GATAD2A: variants seen among roughly 807,000 people sequenced by gnomAD.
GATAD2A encodes the protein GATA zinc finger domain containing 2A, also known as transcriptional repressor p66-alpha.
In GATAD2A, 12 loss-of-function variants were observed where a neutral mutation model predicts 68.5. That is an observed-to-expected ratio of 0.18 (90% confidence interval 0.11 to 0.28). GATAD2A has a LOEUF of 0.28. Among genes scored for constraint, GATAD2A ranks in the 10% least tolerant of loss-of-function variants. GATAD2A has a pLI of 1.00. For missense variants in GATAD2A, 755 were observed against 868.5 expected (o/e 0.87, Z 1.64); for synonymous variants, 410 against 375.3 (o/e 1.09, Z -1.07).
intron 4 of GATAD2A, among the ~76,000 whole-genome samples, chr19:19,493,081 C>T (rs1035442532): frequency 1.3e-5 from 2 of 152,076 alleles, no homozygotes; most frequent in African/African-American, 2.4e-5. Context: ...GCTGGGACTA[C>T]AGGCGCGTGC....
At chr19:19,482,154 AGCACTTTGGGAG>A (rs948304630) in intron 2 of GATAD2A, among the ~76,000 whole-genome samples, 3 of 152,180 alleles carry the variant, frequency 2.0e-5, no homozygotes, top group African/African-American at 7.2e-5. Context: ...CCTGTATCTC[AGCACTTTGGGAG>A]GCCGAGGTGG....
Position 19,502,503 on chromosome 19 carries a change from GGAA to G in GATAD2A, c.1757_1759del (p.Lys586del), listed in dbSNP as rs755090608. ...GGCAAGGGCAGCGCCACCTCCAACTGGAAGAAGACGCCCCTCAGCACAGGTGGG... is the reference window on the plus strand; with the variant it reads ...GGCAAGGGCAGCGCCACCTCCAACTGGAAGACGCCCCTCAGCACAGGTGGG... On this transcript the variant is annotated inframe_deletion, in exon 11 of 12. Transcript: ENST00000683918. 5 of 1,612,314 alleles carry G rather than the reference GGAA, an allele frequency of 3.1e-6. No homozygotes were observed. The Admixed American group carries it at 6.7e-5, about 22-fold the overall frequency.
chr19:19,406,326 C>T lies in GATAD2A; in HGVS notation c.-7+307C>T, dbSNP rs372814272. Among the ~76,000 whole-genome samples the T allele has an allele frequency of 6.0e-5, 9 of 149,642 alleles. No homozygotes were observed. In the East Asian group the frequency reaches 1.8e-3, roughly 30 times the overall value. On this transcript the variant is annotated intron_variant, in intron 1 of 11. Coordinates refer to ENST00000683918, the MANE Select transcript of GATAD2A (RefSeq NM_001384528.1). ...CGGGGTCGGGGGAAGGGCTGGGCCG[C>T]GAGGCGCCTCTTCCGAGTGGTCGGG...
chr19:19,424,096 T>A (rs971695989), intron 1 of GATAD2A, among the ~76,000 whole-genome samples: 3 of 152,078 alleles, frequency 2.0e-5, no homozygotes, highest in Admixed American at 6.6e-5. Flanking sequence ...AGCTAGTTTT[T>A]AAATTTTTTA....
chr19:19,392,394 GT>G (rs575233493), intron 1 of GATAD2A, among the ~76,000 whole-genome samples: 1,527 of 109,610 alleles, frequency 0.014, 29 homozygotes, highest in African/African-American at 0.044. Context: ...TTGTGTGTGT[GT>G]TTTTTTTTTT....
At chr19:19,429,512 G>A (rs966699309) in intron 1 of GATAD2A, among the ~76,000 whole-genome samples, 4 of 152,040 alleles carry the variant, frequency 2.6e-5, no homozygotes. Context: ...GTGCTCTGAC[G>A]CTGGGTGGAC....
Position 19,465,634 on chromosome 19 carries a change from G to T in GATAD2A, c.269+20G>T. ...ACACAGGTGAGTGGGAGGAGCCAGC[G>T]GGAGGGGCTGGAACCTGGAGACAAG... On this transcript the variant is annotated intron_variant, in intron 2 of 11. Transcript: ENST00000683918. 1.3e-6 allele frequency: 2 copies of T among 1,579,310 alleles called. No homozygotes were observed.
chr19:19,500,387 C>T (rs1356530056), intron 8 of GATAD2A, among the ~76,000 whole-genome samples: 2 of 152,164 alleles, frequency 1.3e-5, no homozygotes, highest in African/African-American at 4.8e-5. Flanking sequence ...CCCCACCCCC[C>T]AGCCCCTGCA....
chr19:19,417,963 T>G (rs1216201970), intron 1 of GATAD2A, among the ~76,000 whole-genome samples: 1 of 151,796 alleles, frequency 6.6e-6, no homozygotes, highest in African/African-American at 2.4e-5. Flanking sequence ...TAGAGCCTCG[T>G]GGGGGAAACA....
At chr19:19,435,220 A>C (rs908990020) in intron 1 of GATAD2A, 4 of 477,308 alleles carry the variant, frequency 8.4e-6, no homozygotes, top group Non-Finnish European at 1.8e-5. Context: ...ATTAAATGCT[A>C]GGTTTCTGGG....
chr19:19,418,827 G>T (rs1307354336), intron 1 of GATAD2A, among the ~76,000 whole-genome samples: 2 of 152,132 alleles, frequency 1.3e-5, no homozygotes, highest in Non-Finnish European at 2.9e-5. Context: ...TTGAGAGTGG[G>T]GAGGGGTTGT....
At chr19:19,413,676 C>T (rs1231116219) in intron 1 of GATAD2A, among the ~76,000 whole-genome samples, 1 of 152,120 alleles carries the variant, frequency 6.6e-6, no homozygotes, top group African/African-American at 2.4e-5. Context: ...CCTCCGCCTC[C>T]TGGGTTCAAG....
chr19:19,494,105 T>C (rs992455267), intron 4 of GATAD2A, among the ~76,000 whole-genome samples, 189 bp from the exon 5 acceptor site: 3 of 152,162 alleles, frequency 2.0e-5, no homozygotes, highest in African/African-American at 4.8e-5. Context: ...TCTAGGCCCA[T>C]GTAGAAATTG....
intron 1 of GATAD2A, among the ~76,000 whole-genome samples, chr19:19,394,839 T>C (rs1170802279): frequency 6.6e-6 from 1 of 152,214 alleles, no homozygotes; most frequent in Non-Finnish European, 1.5e-5. Flanking sequence ...GTGCTTTTCT[T>C]AAGTAAGTGT....
At chr19:19,501,036 C>T (rs1298013947) in intron 8 of GATAD2A, 82 bp from the exon 9 acceptor site, 58 of 1,276,680 alleles carry the variant, frequency 4.5e-5, no homozygotes, top group Non-Finnish European at 5.5e-5. Flanking sequence ...GACTGAGACT[C>T]CAGCATCCTG....
At chr19:19,458,070 C>T (rs2057097867) in intron 1 of GATAD2A, among the ~76,000 whole-genome samples, 1 of 152,204 alleles carries the variant, frequency 6.6e-6, no homozygotes, top group African/African-American at 2.4e-5. Context: ...GGGGTCCATC[C>T]TGATAACATG....
chr19:19,435,045 G>T, intron 1 of GATAD2A: 1 of 524,156 alleles, frequency 1.9e-6, no homozygotes, highest in Non-Finnish European at 4.0e-6. Flanking sequence ...TGAGCCCTGC[G>T]TGCTGCCTGT....
rs981783722 is a variant in GATAD2A at position 19,496,608 on chromosome 19, C to T, written c.924+389C>T. Among the ~76,000 whole-genome samples, 4 of 152,318 alleles carry T rather than the reference C, an allele frequency of 2.6e-5. No individual in the cohort carries two copies. The East Asian group carries it at 5.8e-4, about 22-fold the overall frequency. ...GGCCCGGAGATGCCTTGGGGGGCAC[C>T]GGAGCCCATGCCGCCCTCCCGGCAG... On this transcript the variant is annotated intron_variant, in intron 7 of 11. Transcript: ENST00000683918.
intron 1 of GATAD2A, chr19:19,458,398 T>C (rs2147924473): frequency 6.6e-6 from 1 of 152,400 alleles, no homozygotes; most frequent in African/African-American, 2.4e-5. Context: ...CTCTTTGCCC[T>C]GTAGGGCAAC....
Sources: gnomAD v4.1 joint callset for allele counts (sites outside exome capture counted in the v4.1 genomes callset) on GRCh38, gnomAD v4.1.1 for gene constraint, MANE v1.5 for transcripts, NCBI Gene and HGNC (gene_info 2026-07-23, HGNC 2026-07-21) for gene names.